PIN4: variants seen among roughly 807,000 people sequenced by gnomAD.
PIN4 encodes the protein peptidyl-prolyl cis-trans isomerase NIMA-interacting 4.
A neutral mutation model predicts 8.3 loss-of-function variants in PIN4; 3 were observed. The observed-to-expected ratio is 0.36, with a 90% CI of 0.16 to 0.93. PIN4 has a LOEUF of 0.93. PIN4 is among the 40% of genes least tolerant of loss of function. The probability of loss-of-function intolerance (pLI) is 0.44; values close to 1 mark genes in which losing one functional copy is unlikely to be tolerated. For missense variants in PIN4, 75 were observed against 100.6 expected (o/e 0.75, Z 1.09); for synonymous variants, 18 against 32.5 (o/e 0.55, Z 1.52).
At chrX:72,192,632 C>T (rs957120937) in intron 2 of PIN4, among the ~76,000 whole-genome samples, 9 of 110,850 alleles carry the variant, frequency 8.1e-5, no homozygotes, top group Middle Eastern at 4.6e-3. Context: ...TCACACAGGC[C>T]GGGGTGCATG....
chrX:72,197,547 A>T lies in PIN4; in HGVS notation c.*21A>T. 8.5e-7 allele frequency: 1 copy of T among 1,177,204 alleles called. No individual in the cohort carries two copies. Among genetic ancestry groups the T allele is most frequent in the Admixed American group, 2.2e-5 (1 of 45,150 alleles). ...AATAAAATCATATGAAAGACTGAAT[A>T]AGTTTTATACATTTTGTTTCTTTAA... is the stretch of plus-strand genomic sequence containing the variant. On this transcript the variant is annotated 3_prime_UTR_variant, in exon 4 of 4. Transcript: ENST00000373669.
intron 3 of PIN4, among the ~76,000 whole-genome samples, chrX:72,242,198 C>T (rs984183744): frequency 8.9e-6 from 1 of 112,523 alleles, no homozygotes. Context: ...CGGCTACCTC[C>T]TCTCTGCTTC....
rs779379313 is a variant in PIN4, at chrX:72,205,421, C to T, written c.312+8517C>T. 1.4e-5 allele frequency: 17 copies of T among 1,210,366 alleles called. No homozygotes were observed. Among genetic ancestry groups the T allele is most frequent in the East Asian group, 1.2e-4 (4 of 33,791 alleles). ...TCAGGACCCTTTGCTTCACTGCTGT[C>T]GTCAAGTCTTTCCTCCATGTCCTCC... On this transcript the variant is annotated intron_variant, in intron 3 of 3. Transcript: ENST00000423432.
chrX:72,225,363 A>T (rs913700786), intron 3 of PIN4, among the ~76,000 whole-genome samples: 1 of 111,833 alleles, frequency 8.9e-6, no homozygotes, highest in African/African-American at 3.3e-5. Flanking sequence ...GCTTCAGTAC[A>T]TGGATGATTT....
intron 2 of PIN4, among the ~76,000 whole-genome samples, chrX:72,196,287 G>A (rs183355779): frequency 1.5e-4 from 17 of 110,885 alleles, no homozygotes; most frequent in Admixed American, 1.2e-3. Flanking sequence ...TGTAATCCCA[G>A]CACTTTGGGA....
chrX:72,242,908 G>A (rs751718531), intron 3 of PIN4, among the ~76,000 whole-genome samples: 62 of 111,767 alleles, frequency 5.5e-4, no homozygotes, highest in African/African-American at 2.0e-3. Context: ...AGCTACTTGG[G>A]AGGCTGAGGC....
chrX:72,212,278 T>A (rs6418463), intron 3 of PIN4, among the ~76,000 whole-genome samples: 43,249 of 107,922 alleles, frequency 0.4, 7,554 homozygotes, highest in East Asian at 0.98. Context: ...TCAAAAAAAA[T>A]AATAATAATA....
chrX:72,261,641 T>C (rs1033958299), intron 3 of PIN4, among the ~76,000 whole-genome samples: 1 of 112,517 alleles, frequency 8.9e-6, no homozygotes, highest in African/African-American at 3.2e-5. Flanking sequence ...CTTGGTGCCC[T>C]GCACCTAAGC....
intron 3 of PIN4, among the ~76,000 whole-genome samples, chrX:72,251,250 C>T (rs1452301009): frequency 9.5e-6 from 1 of 105,016 alleles, no homozygotes; most frequent in Non-Finnish European, 1.9e-5. Context: ...GTAGTCCCAG[C>T]TACTCGGGAG....
intron 1 of PIN4, among the ~76,000 whole-genome samples, chrX:72,182,603 C>T (rs899264260): frequency 9.0e-6 from 1 of 110,634 alleles, no homozygotes; most frequent in African/African-American, 3.3e-5. Flanking sequence ...AAGATAAAGG[C>T]TTAGTGATCA....
intron 3 of PIN4, chrX:72,204,969 CTCATAT>C: frequency 2.8e-6 from 3 of 1,062,835 alleles, no homozygotes; most frequent in Non-Finnish European, 3.8e-6. Flanking sequence ...CAAAAATTCC[CTCATAT>C]TCAGTTTCAC....
At chrX:72,229,847 T>G (rs1007489373) in intron 3 of PIN4, among the ~76,000 whole-genome samples, 2 of 111,762 alleles carry the variant, frequency 1.8e-5, no homozygotes, top group African/African-American at 6.5e-5. Context: ...TTAAGGCTGT[T>G]TCAACAGAAC....
intron 3 of PIN4, chrX:72,205,021 TTATTAAG>T: frequency 8.4e-7 from 1 of 1,187,554 alleles, no homozygotes; most frequent in Non-Finnish European, 1.1e-6. Flanking sequence ...TTCTCAATTG[TTATTAAG>T]TTGCTTATAC....
At chrX:72,238,776 CG>C in intron 3 of PIN4, 1 of 1,049,837 alleles carries the variant, frequency 9.5e-7, no homozygotes. Context: ...CAGGAGGATC[CG>C]GGGGCCACCC....
At chrX:72,238,920 G>A (rs781240415) in intron 3 of PIN4, 2 of 1,187,394 alleles carry the variant, frequency 1.7e-6, no homozygotes, top group South Asian at 3.7e-5. Context: ...ATGACCCTCG[G>A]ATTGGGTTCC....
chrX:72,243,334 G>C (rs941342798), intron 3 of PIN4, among the ~76,000 whole-genome samples: 3 of 110,741 alleles, frequency 2.7e-5, no homozygotes, highest in South Asian at 3.7e-4. Context: ...AACAAAAAAA[G>C]CTCTCCCTAA....
At chrX:72,258,415 C>T (rs780387773) in intron 3 of PIN4, among the ~76,000 whole-genome samples, 2 of 112,530 alleles carry the variant, frequency 1.8e-5, no homozygotes, top group Admixed American at 9.4e-5. Flanking sequence ...CCCACAGCCA[C>T]ACGCACACTG....
rs891950484 is a variant in PIN4, at chrX:72,234,956, GC to G, written c.313-27749del. On this transcript the variant is annotated intron_variant, in intron 3 of 3. Transcript: ENST00000423432. ...CTATGATTGCCAGGCAGCATGAAGG[GC>G]CTGCTTGACATCGATATTGATGGAT... 1.1e-4 allele frequency among the ~76,000 whole-genome samples: 12 copies of G among 111,573 alleles called. 1 individual carries two copies. Among genetic ancestry groups the G allele is most frequent in the African/African-American group, 3.6e-4 (11 of 30,679 alleles).
At chrX:72,248,746 G>A (rs1023003286) in intron 3 of PIN4, among the ~76,000 whole-genome samples, 1 of 111,502 alleles carries the variant, frequency 9.0e-6, no homozygotes, top group East Asian at 2.8e-4. Flanking sequence ...GCGTGGTGGT[G>A]CACACCTGTG....
Sources: gnomAD v4.1 joint callset for allele counts (sites outside exome capture counted in the v4.1 genomes callset) on GRCh38, gnomAD v4.1.1 for gene constraint, MANE v1.5 for transcripts, NCBI Gene and HGNC (gene_info 2026-07-23, HGNC 2026-07-21) for gene names.